PGBD1: variants seen among roughly 807,000 people sequenced by gnomAD.
PGBD1 encodes piggyBac transposable element-derived protein 1.
PGBD1 carries 25 observed loss-of-function variants against 34.7 expected under a neutral mutation model. The ratio of observed to expected loss-of-function variants is 0.72; its 90% CI spans 0.52 to 1.00. The LOEUF (loss-of-function observed/expected upper bound fraction) is 1.00, where lower values mean the gene tolerates loss of function less well. Ranked by LOEUF, PGBD1 falls within the 50% of genes least tolerant of loss-of-function variation. The pLI, the probability that PGBD1 is intolerant of heterozygous loss-of-function variation, is 0.00. For synonymous variants in PGBD1, 292 were observed against 335.7 expected (o/e 0.87, Z 1.42); for missense variants, 830 against 959.4 (o/e 0.87, Z 1.78).
At position 28,300,621 on chromosome 6, in the gene PGBD1, A is replaced by C; in HGVS notation, c.870-103A>C. The C allele has an allele frequency of 4.7e-5, 57 of 1,201,876 alleles. No individual in the cohort carries two copies. Among genetic ancestry groups the C allele is most frequent in the Non-Finnish European group, 5.8e-5 (50 of 867,178 alleles). 74.5% of individuals were successfully genotyped at this position (1,201,876 alleles called of 1,614,324 possible). ...AAGAGAAATAAGTAAGTATCCCCCC[A>C]CACCCACCCCAAGCCCCAAAAGATT... On this transcript the variant is annotated intron_variant, in intron 6 of 6. Transcript: ENST00000682144. The surrounding 1 kb of genome is among the most constrained non-coding windows in gnomAD (Gnocchi z 4.0).
At chr6:28,282,518 C>T (rs1280088561) in intron 1 of PGBD1, among the ~76,000 whole-genome samples, 1 of 151,934 alleles carries the variant, frequency 6.6e-6, no homozygotes, top group East Asian at 1.9e-4. Context: ...GCAGGAATAC[C>T]GTAACAGAAC....
intron 1 of PGBD1, 80 bp from the exon 2 acceptor site, chr6:28,283,696 T>C: frequency 7.8e-7 from 1 of 1,285,332 alleles, no homozygotes; most frequent in African/African-American, 1.5e-5. Context: ...TGTAAGTAGG[T>C]TACATACAGT....
chr6:28,283,950 G>T lies in PGBD1; in HGVS notation c.137G>T (p.Arg46Leu). The change falls in exon 2 of 7, where the codon CGC (arginine) becomes CTC (leucine). Residue 46 changes from arginine (R) to leucine (L), a missense_variant. Physicochemically the swap from Arg to Leu is moderately radical, Grantham distance 102. Coordinates refer to ENST00000682144, the MANE Select transcript of PGBD1 (RefSeq NM_032507.4). ...SSHTQEICRLRFRHFCYQEAH... is the reference protein window; with the variant it reads ...SSHTQEICRLLFRHFCYQEAH... Reference sequence around the variant, plus strand: ...CACACTCAGGAGATTTGCCGCCTGCGCTTTCGGCACTTCTGCTACCAGGAG... The same window carrying T: ...CACACTCAGGAGATTTGCCGCCTGCTCTTTCGGCACTTCTGCTACCAGGAG... 6.2e-7 allele frequency: 1 copy of T among 1,614,146 alleles called. No homozygotes were observed. The highest frequency in any genetic ancestry group is 8.5e-7 in the Non-Finnish European group (1 of 1,180,002).
At position 28,301,209 on chromosome 6, in the gene PGBD1, T is replaced by G. The variant is rs1762828069; in HGVS notation, c.1355T>G (p.Val452Gly). ...YASQKNVSLE[V>G]TVQEMRCVFG... ...TCTCAGAAAAATGTCAGCTTGGAAG[T>G]CACAGTTCAGGAAATGAGGTGTGTG... Residue 452 changes from valine (V) to glycine (G), a missense_variant, in exon 7 of 7, where the codon GTC (valine) becomes GGC (glycine). By Grantham distance (109) the Val-to-Gly change is moderately radical. This residue lies in a region of PGBD1 where 372 missense variants were observed against 427.9 expected (regional missense o/e 0.87). Transcript: ENST00000682144. 1 of 1,614,196 alleles carries G rather than the reference T, an allele frequency of 6.2e-7. No homozygotes were observed. Among genetic ancestry groups the G allele is most frequent in the Non-Finnish European group, 8.5e-7 (1 of 1,180,050 alleles).
At chr6:28,288,389 G>A (rs1364421659) in intron 4 of PGBD1, among the ~76,000 whole-genome samples, 1 of 152,174 alleles carries the variant, frequency 6.6e-6, no homozygotes, top group East Asian at 1.9e-4. Flanking sequence ...AACCTGGGAA[G>A]TCCAAGATCA....
chr6:28,290,159 C>A (rs1203799699), intron 4 of PGBD1, among the ~76,000 whole-genome samples: 1 of 152,152 alleles, frequency 6.6e-6, no homozygotes, highest in Non-Finnish European at 1.5e-5. Context: ...GCAGTGGTAT[C>A]ATCTCAGCTC....
At chr6:28,282,077 C>T (rs551912597) in intron 1 of PGBD1, among the ~76,000 whole-genome samples, 159 bp downstream of exon 1, 44 of 152,212 alleles carry the variant, frequency 2.9e-4, no homozygotes, top group African/African-American at 1.1e-3. Flanking sequence ...CTTACTTTTC[C>T]TGTCTATATG....
At chr6:28,286,397 C>T (rs937190896) in intron 3 of PGBD1, among the ~76,000 whole-genome samples, 2 of 152,202 alleles carry the variant, frequency 1.3e-5, no homozygotes, top group Non-Finnish European at 2.9e-5. Flanking sequence ...TCTGTTTGAT[C>T]TCTGTGTGTA....
intron 4 of PGBD1, among the ~76,000 whole-genome samples, chr6:28,287,426 A>G (rs1171914196): frequency 1.3e-5 from 2 of 152,122 alleles, no homozygotes; most frequent in African/African-American, 2.4e-5. Context: ...TGAGGGGTGG[A>G]GTGAGGCTCC....
At chr6:28,290,793 A>C (rs1273832682) in intron 4 of PGBD1, among the ~76,000 whole-genome samples, 1 of 152,188 alleles carries the variant, frequency 6.6e-6, no homozygotes, top group Non-Finnish European at 1.5e-5. Flanking sequence ...AATAACAAGA[A>C]AAACCTTGGA....
intron 6 of PGBD1, 23 bp downstream of exon 6, chr6:28,298,014 G>C: frequency 6.8e-7 from 1 of 1,473,538 alleles, no homozygotes; most frequent in South Asian, 1.2e-5. Flanking sequence ...GGTCCTCAGT[G>C]AATCAAATCC....
chr6:28,294,009 G>A (rs201439298), intron 4 of PGBD1, among the ~76,000 whole-genome samples: 3 of 152,348 alleles, frequency 2.0e-5, no homozygotes, highest in Admixed American at 2.0e-4. Context: ...AAGCTAGGAG[G>A]CCTCTTGTGC....
Position 28,302,127 on chromosome 6 carries a change from G to A in PGBD1, c.2273G>A (p.Trp758Ter), listed in dbSNP as rs1345247019. ...KYRVRIRSKK[W>*]YSILVSYMID... ...AGGGTGAGGATAAGAAGCAAGAAAT[G>A]GTACTCAATTTTGGTGAGCTACATG... The change falls in exon 7 of 7, where the codon TGG becomes TAG. Residue 758 changes from tryptophan (W) to a stop codon, truncating the protein, a stop_gained. Coordinates refer to ENST00000682144, the MANE Select transcript of PGBD1 (RefSeq NM_032507.4). LOFTEE classifies it low-confidence loss of function (END_TRUNC). The A allele has an allele frequency of 2.5e-6, 4 of 1,614,106 alleles. No individual in the cohort carries two copies. The highest frequency in any genetic ancestry group is 3.4e-6 in the Non-Finnish European group (4 of 1,180,026).
rs1234441376 is a variant in PGBD1 at position 28,301,917 on chromosome 6, G to A, written c.2063G>A (p.Arg688His). 18 of 1,613,978 alleles carry A rather than the reference G, an allele frequency of 1.1e-5. No individual in the cohort carries two copies. The highest frequency in any genetic ancestry group is 3.3e-5 in the Admixed American group (2 of 59,998). Residue 688 changes from arginine (R) to histidine (H), a missense_variant, in exon 7 of 7, where the codon CGT becomes CAT. Transcript: ENST00000682144. Reference protein sequence around the residue: ...IEENNEIILCRWYGDGIISLC... With the variant: ...IEENNEIILCHWYGDGIISLC... ...GAAAACAATGAGATAATTTTGTGTC[G>A]TTGGTATGGGGATGGCATTATCAGT...
intron 2 of PGBD1, 65 bp downstream of exon 2, chr6:28,284,274 A>C (rs1022238681): frequency 4.2e-6 from 6 of 1,431,754 alleles, no homozygotes; most frequent in Non-Finnish European, 5.5e-6. Context: ...GTTTATTTTT[A>C]ACGTTTTATT....
chr6:28,296,783 CAA>C, intron 4 of PGBD1, 31 bp from the exon 5 acceptor site: 1 of 1,612,150 alleles, frequency 6.2e-7, no homozygotes, highest in Non-Finnish European at 8.5e-7. Context: ...CATGTGAAAA[CAA>C]AGAGGCTATT....
At chr6:28,286,766 C>T (rs1225284097) in intron 3 of PGBD1, among the ~76,000 whole-genome samples, 1 of 152,024 alleles carries the variant, frequency 6.6e-6, no homozygotes, top group Non-Finnish European at 1.5e-5. Context: ...CCTTTATCAC[C>T]AGCTTCTTCC....
chr6:28,289,301 T>TC (rs1441496595), intron 4 of PGBD1, among the ~76,000 whole-genome samples: 1 of 152,102 alleles, frequency 6.6e-6, no homozygotes, highest in Non-Finnish European at 1.5e-5. Flanking sequence ...TTCAAAGTAC[T>TC]CCAAGAAAAA....
intron 6 of PGBD1, among the ~76,000 whole-genome samples, chr6:28,299,350 C>CT (rs1186814779): frequency 6.6e-6 from 1 of 151,640 alleles, no homozygotes; most frequent in African/African-American, 2.4e-5. Context: ...CCCCACCCCA[C>CT]TTTCTTAGCT....
Sources: gnomAD v4.1 joint callset for allele counts (sites outside exome capture counted in the v4.1 genomes callset) on GRCh38, gnomAD v4.1.1 for gene constraint, gnomAD v4.1.1 regional missense constraint, Gnocchi (gnomAD v3.1) non-coding constraint, MANE v1.5 for transcripts, NCBI Gene and HGNC (gene_info 2026-07-23, HGNC 2026-07-21) for gene names.